The following SCAP variants were observed in gnomAD, a reference collection of about 807,000 sequenced individuals.
The protein encoded by SCAP is SREBF chaperone.
SCAP carries 65 observed loss-of-function variants against 123.6 expected under a neutral mutation model. That is an observed-to-expected ratio of 0.53 (90% CI 0.43 to 0.65). The LOEUF is 0.65. Ranked by LOEUF, SCAP falls within the 30% of genes least tolerant of loss-of-function variation. The probability of loss-of-function intolerance (pLI) is 0.00; values close to 1 mark genes in which losing one functional copy is unlikely to be tolerated. For missense variants in SCAP, 1,398 were observed against 1,712.5 expected (o/e 0.82, Z 3.24); for synonymous variants, 740 against 726.3 (o/e 1.02, Z -0.30).
chr3:47,415,038 GT>G, intron 19 of SCAP, 45 bp from the exon 20 acceptor site: 1 of 1,581,310 alleles, frequency 6.3e-7, no homozygotes, highest in Non-Finnish European at 8.6e-7. Flanking sequence ...AAAGCAATGG[GT>G]AGACGGCCCC....
Position 47,425,490 on chromosome 3 carries a change from A to C in SCAP, c.1032T>G (p.Asn344Lys). ...CTLFGLTPTL[N>K]GGEIFPYLVV... Reference sequence around the variant, plus strand: ...GGAGCCTGCTAGGGACCTACCCGCCATTGAGGGTGGGCGTCAGGCCGAAGA... The same window carrying C: ...GGAGCCTGCTAGGGACCTACCCGCCCTTGAGGGTGGGCGTCAGGCCGAAGA... Residue 344 changes from asparagine to lysine, a missense_variant, in exon 8 of 23, where the codon AAT (asparagine) becomes AAG (lysine). Transcript: ENST00000265565. The C allele has an allele frequency of 6.2e-7, 1 of 1,613,608 alleles. No homozygotes were observed. The highest frequency in any genetic ancestry group is 1.3e-5 in the African/African-American group (1 of 75,056).
chr3:47,462,801 T>C (rs892436993), intron 1 of SCAP, among the ~76,000 whole-genome samples: 3 of 151,488 alleles, frequency 2.0e-5, no homozygotes, highest in Non-Finnish European at 4.4e-5. Context: ...AACACCTACT[T>C]ATTTCCTAGT....
At position 47,425,890 on chromosome 3, in the gene SCAP, T is replaced by A. The variant is rs1321673548; in HGVS notation, c.910+107A>T. 3 of 1,253,098 alleles carry A rather than the reference T, an allele frequency of 2.4e-6. No individual in the cohort carries two copies. In the East Asian group the frequency reaches 7.3e-5, roughly 31 times the overall value. 77.6% of individuals were successfully genotyped at this position (1,253,098 alleles called of 1,614,324 possible). On this transcript the variant is annotated intron_variant, in intron 7 of 22. Transcript: ENST00000265565. ...CCCTAGCTCTGATGACCACCAGGTG[T>A]GTTCTATCTCTCTACCCCAAGCCAC...
chr3:47,445,420 G>A (rs1055214233), intron 1 of SCAP, among the ~76,000 whole-genome samples: 2 of 151,122 alleles, frequency 1.3e-5, no homozygotes, highest in Non-Finnish European at 3.0e-5. Flanking sequence ...CTATTTTTTC[G>A]TATTTTTAGT....
intron 1 of SCAP, among the ~76,000 whole-genome samples, chr3:47,446,508 G>A (rs1209483098): frequency 1.3e-5 from 2 of 151,774 alleles, no homozygotes; most frequent in Non-Finnish European, 2.9e-5. Context: ...TGTTGTTGTT[G>A]TTCTTCAGTT....
At chr3:47,417,877 AGGGGGCGGGGGACGG>A in intron 16 of SCAP, 51 bp from the exon 17 acceptor site, 1 of 218,442 alleles carries the variant, frequency 4.6e-6, no homozygotes, top group Non-Finnish European at 8.3e-6. Context: ...GGGGGGTGAG[AGGGGGCGGGGGACGG>A]GGGTGAGAGG....
At position 47,435,112 on chromosome 3, in the gene SCAP, G is replaced by C. The variant is rs1706517091; in HGVS notation, c.148C>G (p.Pro50Ala). ...GTGAATTCCACAGGTCCTGTTCCTG[G>C]CAAGGGGAGTTTCAGCAGTGGGTAG... ...CCYPLLKLPLPGTGPVEFTTP... is the reference protein window; with the variant it reads ...CCYPLLKLPLAGTGPVEFTTP... The change falls in exon 3 of 23, where the codon CCA (proline) becomes GCA (alanine). Residue 50 changes from proline (P) to alanine (A), a missense_variant. By Grantham distance (27) the Pro-to-Ala change is conservative. Coordinates refer to ENST00000265565, the MANE Select transcript of SCAP (RefSeq NM_012235.4). The C allele has an allele frequency of 6.2e-7, 1 of 1,613,958 alleles. No individual in the cohort carries two copies. The highest frequency in any genetic ancestry group is 8.5e-7 in the Non-Finnish European group (1 of 1,179,910).
chr3:47,428,162 C>A (rs753024481), intron 4 of SCAP, among the ~76,000 whole-genome samples: 11 of 152,100 alleles, frequency 7.2e-5, no homozygotes, highest in Non-Finnish European at 1.3e-4. Flanking sequence ...GAAGGTACCC[C>A]CAGGTAGAGC....
chr3:47,423,480 A>G (rs1453831357), intron 9 of SCAP, among the ~76,000 whole-genome samples: 1 of 152,062 alleles, frequency 6.6e-6, no homozygotes, highest in African/African-American at 2.4e-5. Context: ...TGCAGCTTTG[A>G]CCTCCCAGGC....
At chr3:47,476,190 C>T (rs756584166), upstream of SCAP, 3 of 152,238 alleles carry the variant, frequency 2.0e-5, no homozygotes, top group Non-Finnish European at 4.4e-5. Context: ...AAGCCGGGCA[C>T]GGTGGCTCGC....
At position 47,428,562 on chromosome 3, in the gene SCAP, G is replaced by A. The variant is rs1444925993; in HGVS notation, c.361C>T (p.Arg121Trp). ...AVDVFRSPLS[R>W]AFQLVEEIRN... is the part of the protein sequence containing the mutation. ...ATCTCCTCCACCAGTTGGAATGCCC[G>A]GGACAAAGGTGAACGAAATACATCT... is the stretch of plus-strand genomic sequence containing the variant. Residue 121 changes from arginine (R) to tryptophan (W), a missense_variant, in exon 4 of 23, where the codon CGG (arginine) becomes TGG (tryptophan). Physicochemically the swap from Arg to Trp is moderately radical, Grantham distance 101. Coordinates refer to ENST00000265565, the MANE Select transcript of SCAP (RefSeq NM_012235.4). The A allele has an allele frequency of 2.5e-6, 4 of 1,614,024 alleles. No homozygotes were observed. The highest frequency in any genetic ancestry group is 1.1e-5 in the South Asian group (1 of 91,082).
In SCAP at chr3:47,435,154, GGA is replaced by G; in HGVS notation, c.123-19_123-18del. On this transcript the variant is annotated intron_variant, in intron 2 of 22. Coordinates refer to ENST00000265565, the MANE Select transcript of SCAP (RefSeq NM_012235.4). ...AGTGGGTAGCTGGGATGTACAAAAA[GGA>G]GATAAGAATTAGACACTATGAGAGG... The G allele has an allele frequency of 6.2e-7, 1 of 1,609,506 alleles. No homozygotes were observed. The highest frequency in any genetic ancestry group is 1.1e-5 in the South Asian group (1 of 90,410).
At chr3:47,473,101 A>C (rs1483287526) in intron 1 of SCAP, among the ~76,000 whole-genome samples, 1 of 148,680 alleles carries the variant, frequency 6.7e-6, no homozygotes, top group Non-Finnish European at 1.5e-5. Flanking sequence ...AAAAAAAAAC[A>C]GACTGTGGAA....
intron 1 of SCAP, chr3:47,469,766 A>C (rs1176459239): frequency 2.0e-6 from 1 of 501,690 alleles, no homozygotes; most frequent in Non-Finnish European, 3.9e-6. Context: ...CTCCCCAGCC[A>C]TGTGGAACTT....
Position 47,425,964 on chromosome 3 carries a change from A to G in SCAP, c.910+33T>C, listed in dbSNP as rs559126381. ...ACATGGAAATGCCCGTTTAGCTTGG[A>G]GAAAGCCCTCAGCCTCCCTGCCATG... On this transcript the variant is annotated intron_variant, in intron 7 of 22. Transcript: ENST00000265565. 1.9e-5 allele frequency: 30 copies of G among 1,612,620 alleles called. No individual in the cohort carries two copies. In the South Asian group the frequency reaches 2.5e-4, roughly 14 times the overall value.
intron 21 of SCAP, 47 bp downstream of exon 21, chr3:47,414,525 A>G: frequency 1.2e-6 from 2 of 1,609,386 alleles, no homozygotes; most frequent in Non-Finnish European, 8.5e-7. Context: ...GTCAGCAAAC[A>G]TGGGCCACAG....
At chr3:47,441,103 T>C (rs1004781410) in intron 2 of SCAP, among the ~76,000 whole-genome samples, 39 of 152,084 alleles carry the variant, frequency 2.6e-4, no homozygotes, top group African/African-American at 5.8e-4. Context: ...GGTTTCACCA[T>C]GTTGGCCAGG....
chr3:47,466,859 G>C (rs551621824), intron 1 of SCAP, among the ~76,000 whole-genome samples: 2 of 152,098 alleles, frequency 1.3e-5, no homozygotes, highest in African/African-American at 4.8e-5. Context: ...CAAGGCAAGC[G>C]GACTGCTTGA....
intron 1 of SCAP, among the ~76,000 whole-genome samples, chr3:47,464,388 A>T (rs1190826989): frequency 6.0e-5 from 9 of 150,882 alleles, no homozygotes; most frequent in African/African-American, 1.7e-4. Flanking sequence ...TTTTTTTTTT[A>T]AAGTAGATAT....
Sources: allele counts gnomAD v4.1 joint callset (sites outside exome capture counted in the v4.1 genomes callset), GRCh38; gene constraint gnomAD v4.1.1; transcripts MANE v1.5; gene names NCBI Gene and HGNC (gene_info 2026-07-23, HGNC 2026-07-21).